ART4: variants seen among roughly 807,000 people sequenced by gnomAD.
ART4 encodes the protein ADP-ribosyltransferase 4 (inactive) (Dombrock blood group).
ART4 carries 14 observed loss-of-function variants against 24.2 expected under a neutral mutation model. That is an observed-to-expected ratio of 0.58 (90% CI 0.38 to 0.90). The LOEUF (loss-of-function observed/expected upper bound fraction) is 0.90. Among genes scored for constraint, ART4 ranks in the 40% least tolerant of loss-of-function variants. The probability of loss-of-function intolerance (pLI) is 0.00; values close to 1 mark genes in which losing one functional copy is unlikely to be tolerated. For missense variants in ART4, 356 were observed against 366.6 expected (o/e 0.97, Z 0.24); for synonymous variants, 145 against 139.9 (o/e 1.04, Z -0.26).
In ART4 at chr12:14,843,264, C is replaced by T; in HGVS notation, c.-151G>A. 2.4e-6 allele frequency: 2 copies of T among 850,654 alleles called. No homozygotes were observed. The highest frequency in any genetic ancestry group is 2.7e-5 in the East Asian group (1 of 36,498). The allele number at this position is 850,654 out of a possible 1,614,324, so 52.7% of individuals were successfully genotyped here. ...GCAACTTCTGTTGCCCACCAACAACCAATAGCTTGTCTGAGGGAAGAAATC... is the reference window on the plus strand; with the variant it reads ...GCAACTTCTGTTGCCCACCAACAACTAATAGCTTGTCTGAGGGAAGAAATC... On this transcript the variant is annotated 5_prime_UTR_variant, in exon 1 of 3. Transcript: ENST00000228936.
chr12:14,840,641 C>T lies in ART4; in HGVS notation c.657G>A (p.Glu219=), dbSNP rs1950462321. ...STSLLKEEAQ[E]FGNQTLFTIF... ...TGGTAAATAGTGTCTGGTTCCCAAACTCCTGTGCCTCTTCTTTCAGGAGGG... is the reference window on the plus strand; with the variant it reads ...TGGTAAATAGTGTCTGGTTCCCAAATTCCTGTGCCTCTTCTTTCAGGAGGG... Residue 219 remains glutamate, a synonymous_variant, in exon 2 of 3, where the codon GAG becomes GAA. Transcript: ENST00000228936. 1 of 1,614,116 alleles carries T rather than the reference C, an allele frequency of 6.2e-7. No individual in the cohort carries two copies. Among genetic ancestry groups the T allele is most frequent in the African/African-American group, 1.3e-5 (1 of 75,040 alleles).
chr12:14,841,148 T>G lies in ART4; in HGVS notation c.150A>C (p.Ala50=), dbSNP rs1863047735. ...LQRPTEGSEV[A]IKIDFDFAPG... is the part of the protein sequence containing the mutation. ...GTGCGAAGTCGAAGTCGATTTTAAT[T>G]GCAACCTGTAAAAAAAGAAAAATCT... The change falls in exon 2 of 3, where the codon GCA becomes GCC. Residue 50 remains alanine (A), a synonymous_variant. Coordinates refer to ENST00000228936, the MANE Select transcript of ART4 (RefSeq NM_021071.4). 6.4e-7 allele frequency: 1 copy of G among 1,571,048 alleles called. No homozygotes were observed. The highest frequency in any genetic ancestry group is 1.2e-5 in the South Asian group (1 of 84,380).
At chr12:14,842,405 A>G (rs1863064763) in intron 1 of ART4, among the ~76,000 whole-genome samples, 1 of 152,244 alleles carries the variant, frequency 6.6e-6, no homozygotes, top group African/African-American at 2.4e-5. Flanking sequence ...GACTGATTAA[A>G]TGATTTTAAC....
At chr12:14,835,825 G>A (rs966854856) in intron 2 of ART4, among the ~76,000 whole-genome samples, 2 of 151,908 alleles carry the variant, frequency 1.3e-5, no homozygotes, top group African/African-American at 4.8e-5. Context: ...GGCTGGTCTC[G>A]ATCTCCTGAC....
chr12:14,826,769 G>C lies in ART4; in HGVS notation c.*2602C>G, dbSNP rs571055372. 1 of 152,196 alleles carries C rather than the reference G, an allele frequency of 6.6e-6. No individual in the cohort carries two copies. The highest frequency in any genetic ancestry group is 2.4e-5 in the African/African-American group (1 of 41,500). The allele number at this position is 152,196 out of a possible 1,614,324, so 9.4% of individuals were successfully genotyped here. A position where few individuals can be genotyped will look rare whatever the true frequency, so the allele number is the denominator to read the frequency against. ...GCTTCTATTTTCTGCTTTCCTCTAA[G>C]TAAAACATCATCTCTGATAGAAAGC... On this transcript the variant is annotated 3_prime_UTR_variant, in exon 3 of 3. Coordinates refer to ENST00000228936, the MANE Select transcript of ART4 (RefSeq NM_021071.4).
chr12:14,830,069 G>A (rs759590086), intron 2 of ART4, among the ~76,000 whole-genome samples: 13 of 151,584 alleles, frequency 8.6e-5, no homozygotes, highest in Non-Finnish European at 1.8e-4. Flanking sequence ...TCCATCCATA[G>A]AATTTTTCAT....
At chr12:14,839,937 T>A (rs1950455031) in intron 2 of ART4, among the ~76,000 whole-genome samples, 1 of 152,174 alleles carries the variant, frequency 6.6e-6, no homozygotes. Flanking sequence ...TACTTTTGAG[T>A]GTATACATTT....
chr12:14,842,330 A>G (rs997527531), intron 1 of ART4, among the ~76,000 whole-genome samples: 1 of 152,136 alleles, frequency 6.6e-6, no homozygotes, highest in African/African-American at 2.4e-5. Flanking sequence ...CCCATTTGGT[A>G]TTTTTACTAT....
In ART4 at chr12:14,828,912, C is replaced by T. The variant is rs1288020020; in HGVS notation, c.*459G>A. 1 of 152,616 alleles carries T rather than the reference C, an allele frequency of 6.6e-6. No individual in the cohort carries two copies. The highest frequency in any genetic ancestry group is 1.5e-5 in the Non-Finnish European group (1 of 68,444). The allele number at this position is 152,616 out of a possible 1,614,324, so 9.5% of individuals were successfully genotyped here. A position where few individuals can be genotyped will look rare whatever the true frequency, so the allele number is the denominator to read the frequency against. On this transcript the variant is annotated 3_prime_UTR_variant, in exon 3 of 3. Transcript: ENST00000228936. ...GGATCTTTGCTGGCAGCTATAAGCT[C>T]CTACCCTGCTTTCATTAATATCCAT...
At chr12:14,841,667 T>C (rs925607859) in intron 1 of ART4, among the ~76,000 whole-genome samples, 1 of 152,178 alleles carries the variant, frequency 6.6e-6, no homozygotes, top group Non-Finnish European at 1.5e-5. Flanking sequence ...AAAACATTGA[T>C]AATAAAAATA....
In ART4 at chr12:14,826,439, G is replaced by A. The variant is rs1490151224; in HGVS notation, c.*2932C>T. ...TTGGTGTATAGCAGAATCATCTAGA[G>A]GACTTATTAAAACAGACTGTTCAAT... On this transcript the variant is annotated 3_prime_UTR_variant, in exon 3 of 3. Coordinates refer to ENST00000228936, the MANE Select transcript of ART4 (RefSeq NM_021071.4). 1.3e-5 allele frequency: 2 copies of A among 152,154 alleles called. No individual in the cohort carries two copies. Among genetic ancestry groups the A allele is most frequent in the African/African-American group, 2.4e-5 (1 of 41,420 alleles). The allele number at this position is 152,154 out of a possible 1,614,324, so 9.4% of individuals were successfully genotyped here. A position where few individuals can be genotyped will look rare whatever the true frequency, so the allele number is the denominator to read the frequency against.
In ART4 at chr12:14,831,250, C is replaced by G. The variant is rs563862914; in HGVS notation, c.854-1788G>C. ...ACCAACTCTATCAATTTTCTCCTCC[C>G]TCACTGGCCATTCCTTCTCCATTTT... is the stretch of plus-strand genomic sequence containing the variant. On this transcript the variant is annotated intron_variant, in intron 2 of 2. Coordinates refer to ENST00000228936, the MANE Select transcript of ART4 (RefSeq NM_021071.4). Among the ~76,000 whole-genome samples the G allele has an allele frequency of 3.0e-4, 45 of 151,010 alleles. 1 individual carries two copies. The highest frequency in any genetic ancestry group is 1.0e-3 in the African/African-American group (42 of 41,012).
chr12:14,830,077 C>A (rs1201046695), intron 2 of ART4, among the ~76,000 whole-genome samples: 1 of 151,270 alleles, frequency 6.6e-6, no homozygotes, highest in Non-Finnish European at 1.5e-5. Flanking sequence ...TAGAATTTTT[C>A]ATTACAAGGT....
In ART4 at chr12:14,841,153, C is replaced by T. The variant is rs1341098396; in HGVS notation, c.145G>A (p.Val49Ile). The T allele has an allele frequency of 3.2e-6, 5 of 1,567,240 alleles. No homozygotes were observed. The highest frequency in any genetic ancestry group is 4.3e-6 in the Non-Finnish European group (5 of 1,163,256). Residue 49 changes from valine to isoleucine, a missense_variant and splice_region_variant, in exon 2 of 3, where the codon GTT becomes ATT. Physicochemically the swap from Val to Ile is conservative, Grantham distance 29. Transcript: ENST00000228936. ...GLQRPTEGSEVAIKIDFDFAP... is the reference protein window; with the variant it reads ...GLQRPTEGSEIAIKIDFDFAP... ...AAGTCGAAGTCGATTTTAATTGCAA[C>T]CTGTAAAAAAAGAAAAATCTTGAGT...
At chr12:14,838,252 A>G (rs1191144920) in intron 2 of ART4, among the ~76,000 whole-genome samples, 1 of 152,068 alleles carries the variant, frequency 6.6e-6, no homozygotes, top group Non-Finnish European at 1.5e-5. Flanking sequence ...GTCCTGAAAT[A>G]TTTTTCTTTG....
intron 2 of ART4, among the ~76,000 whole-genome samples, chr12:14,830,647 A>ATGTGTATATG (rs1163869160): frequency 1.9e-5 from 1 of 52,078 alleles, no homozygotes; most frequent in African/African-American, 7.6e-5. Flanking sequence ...TACTGTATGT[A>ATGTGTATATG]TGTATATATA....
At chr12:14,839,076 G>A (rs1465646692) in intron 2 of ART4, among the ~76,000 whole-genome samples, 1 of 151,940 alleles carries the variant, frequency 6.6e-6, no homozygotes, top group East Asian at 1.9e-4. Flanking sequence ...ATTTTTCACA[G>A]TGTCATCAGA....
rs775603761 is a variant in ART4, at chr12:14,840,786, C to T, written c.512G>A (p.Arg171Lys). ...GCCATTCTCCATGATGCTGTCTTTCCTCAGCAGCTGGATTGCTGAGGTGAG... is the reference window on the plus strand; with the variant it reads ...GCCATTCTCCATGATGCTGTCTTTCTTCAGCAGCTGGATTGCTGAGGTGAG... ...YYLTSAIQLL[R>K]KDSIMENGTL... The change falls in exon 2 of 3, where the codon AGG (arginine) becomes AAG (lysine). Residue 171 changes from arginine (R) to lysine (K), a missense_variant. By Grantham distance (26) the Arg-to-Lys change is conservative (BLOSUM62 2). Coordinates refer to ENST00000228936, the MANE Select transcript of ART4 (RefSeq NM_021071.4). 27 of 1,614,034 alleles carry T rather than the reference C, an allele frequency of 1.7e-5. No individual in the cohort carries two copies. Among genetic ancestry groups the T allele is most frequent in the Non-Finnish European group, 2.2e-5 (26 of 1,180,028 alleles).
intron 2 of ART4, among the ~76,000 whole-genome samples, chr12:14,832,030 C>G (rs910782568): frequency 2.6e-5 from 4 of 152,056 alleles, no homozygotes; most frequent in Admixed American, 1.3e-4. Context: ...ACCTTCATCT[C>G]TCAACTGAAT....
Sources: gnomAD v4.1 joint callset for allele counts (sites outside exome capture counted in the v4.1 genomes callset) on GRCh38, gnomAD v4.1.1 for gene constraint, MANE v1.5 for transcripts, NCBI Gene and HGNC (gene_info 2026-07-23, HGNC 2026-07-21) for gene names.